Variants in GMFB observed in about 807,000 individuals in gnomAD.
GMFB encodes the protein GMF-beta.
A neutral mutation model predicts 25.6 loss-of-function variants in GMFB; 13 were observed. The observed-to-expected ratio is 0.51, with a 90% CI of 0.33 to 0.81. The LOEUF (loss-of-function observed/expected upper bound fraction) is 0.81, where lower values mean the gene tolerates loss of function less well. Among genes scored for constraint, GMFB ranks in the 30% least tolerant of loss-of-function variants. GMFB has a pLI of 0.02. For missense variants in GMFB, 146 were observed against 175.4 expected, an observed-to-expected ratio of 0.83 and a Z score of 0.95; for synonymous variants, 57 against 56.9, an observed-to-expected ratio of 1.00 and a Z score of 0.00.
intron 1 of GMFB, among the ~76,000 whole-genome samples, chr14:54,486,686 A>G (rs892646723): frequency 9.9e-5 from 15 of 152,224 alleles, no homozygotes; most frequent in African/African-American, 2.7e-4. Flanking sequence ...TATATCCTTT[A>G]CATAGATTTC....
Position 54,488,873 on chromosome 14 carries a change from G to T in GMFB, c.3+52C>A, listed in dbSNP as rs894649419. ...CGGCTCCGGAAACCGGGAAAACCCGGCTGGCCGGCTCGCCCAGCCCTCCGG... is the reference window on the plus strand; with the variant it reads ...CGGCTCCGGAAACCGGGAAAACCCGTCTGGCCGGCTCGCCCAGCCCTCCGG... On this transcript the variant is annotated intron_variant, in intron 1 of 6. Transcript: ENST00000358056. 8 of 1,516,640 alleles carry T rather than the reference G, an allele frequency of 5.3e-6. No individual in the cohort carries two copies. In the Admixed American group the frequency reaches 7.9e-5, roughly 15 times the overall value. The allele number at this position is 1,516,640 out of a possible 1,614,324, so 93.9% of individuals were successfully genotyped here.
At chr14:54,486,195 A>C (rs1415482111) in intron 1 of GMFB, among the ~76,000 whole-genome samples, 1 of 152,208 alleles carries the variant, frequency 6.6e-6, no homozygotes. Context: ...GGTTGCAGTG[A>C]GCCGAGATTG....
At position 54,475,345 on chromosome 14, in the gene GMFB, A is replaced by G. The variant is rs1381579719; in HGVS notation, c.*2743T>C. The stretch of plus-strand genomic sequence containing the variant: ...TTTATGGCTACATTTGACTCCTGAA[A>G]ATAGGAGATAAAAAAGGAGGGAAAA... On this transcript the variant is annotated 3_prime_UTR_variant, in exon 7 of 7. Coordinates refer to ENST00000358056, the MANE Select transcript of GMFB (RefSeq NM_004124.3). 1 of 152,538 alleles carries G rather than the reference A, an allele frequency of 6.6e-6. No individual in the cohort carries two copies. The highest frequency in any genetic ancestry group is 1.9e-4 in the East Asian group (1 of 5,186). 9.4% of individuals were successfully genotyped at this position (152,538 alleles called of 1,614,324 possible).
Position 54,483,919 on chromosome 14 carries a change from T to C in GMFB, c.4-152A>G, listed in dbSNP as rs1266504665. The C allele has an allele frequency of 4.3e-6, 3 of 699,854 alleles. No homozygotes were observed. The African/African-American group carries it at 5.3e-5, about 12-fold the overall frequency. 43.4% of individuals were successfully genotyped at this position (699,854 alleles called of 1,614,324 possible). A position where few individuals can be genotyped will look rare whatever the true frequency, so the allele number is the denominator to read the frequency against. On this transcript the variant is annotated intron_variant, in intron 1 of 6. Transcript: ENST00000358056. Reference sequence around the variant, plus strand: ...AATACATGAACACTTAAAAGAACTTTAAAATCAACCAACCTTTGGATCTAC... The same window carrying C: ...AATACATGAACACTTAAAAGAACTTCAAAATCAACCAACCTTTGGATCTAC...
rs2031622302 is a variant in GMFB, at chr14:54,475,253, AAATT to A, written c.*2831_*2834del. On this transcript the variant is annotated 3_prime_UTR_variant, in exon 7 of 7. Transcript: ENST00000358056. ...TCTATATGGGTTGGGGGGAACAGCC[AAATT>A]TAATTTGGCAATAAACTCCCCTAAC... 6.6e-6 allele frequency: 1 copy of A among 152,590 alleles called. No individual in the cohort carries two copies. Among genetic ancestry groups the A allele is most frequent in the African/African-American group, 2.4e-5 (1 of 41,468 alleles). 9.5% of individuals were successfully genotyped at this position (152,590 alleles called of 1,614,324 possible).
At chr14:54,488,760 A>T in intron 1 of GMFB, 165 bp downstream of exon 1, 1 of 543,852 alleles carries the variant, frequency 1.8e-6, no homozygotes, top group Non-Finnish European at 3.1e-6. Flanking sequence ...TGGCGGCGGC[A>T]GAGGCCAAGT....
intron 6 of GMFB, chr14:54,479,529 A>G: frequency 2.6e-6 from 1 of 382,472 alleles, no homozygotes; most frequent in African/African-American, 2.1e-5. Context: ...AATAGATTTA[A>G]TAGTTACAGT....
At chr14:54,488,072 G>A (rs1164903191) in intron 1 of GMFB, among the ~76,000 whole-genome samples, 2 of 152,190 alleles carry the variant, frequency 1.3e-5, no homozygotes, top group Admixed American at 6.5e-5. Flanking sequence ...GAATCCATTC[G>A]ATTCAGTGAC....
At chr14:54,485,222 A>C (rs1005276979) in intron 1 of GMFB, among the ~76,000 whole-genome samples, 3 of 152,156 alleles carry the variant, frequency 2.0e-5, no homozygotes, top group African/African-American at 7.2e-5. Context: ...GTTAGAAAAA[A>C]AGAAGTCAAA....
chr14:54,479,148 A>G (rs1002576775), intron 6 of GMFB: 16 of 152,254 alleles, frequency 1.1e-4, no homozygotes, highest in African/African-American at 3.8e-4. Flanking sequence ...GAAAGGAAAT[A>G]CTGTCTAACA....
chr14:54,479,690 C>G, intron 6 of GMFB, 96 bp downstream of exon 6: 1 of 693,556 alleles, frequency 1.4e-6, no homozygotes, highest in Non-Finnish European at 2.6e-6. Flanking sequence ...ATAACCTTCA[C>G]CTGCATAAAA....
rs888033804 is a variant in GMFB at position 54,477,040 on chromosome 14, A to C, written c.*1048T>G. On this transcript the variant is annotated 3_prime_UTR_variant, in exon 7 of 7. Coordinates refer to ENST00000358056, the MANE Select transcript of GMFB (RefSeq NM_004124.3). ...TGTTATTAACTATGGCCAAAGTTTT[A>C]AGATAATTTTTTCCTATGGCACAAA... is the stretch of plus-strand genomic sequence containing the variant. The C allele has an allele frequency of 1.3e-5, 2 of 152,048 alleles. No homozygotes were observed. Among genetic ancestry groups the C allele is most frequent in the Non-Finnish European group, 2.9e-5 (2 of 67,878 alleles). 9.4% of individuals were successfully genotyped at this position (152,048 alleles called of 1,614,324 possible).
intron 1 of GMFB, chr14:54,488,477 C>T (rs1203981770): frequency 6.0e-6 from 1 of 167,174 alleles, no homozygotes; most frequent in African/African-American, 2.4e-5. Flanking sequence ...TTCGAGTCCT[C>T]CCCCAAAACG....
intron 1 of GMFB, 66 bp downstream of exon 1, chr14:54,488,859 A>G: frequency 6.9e-7 from 1 of 1,444,854 alleles, no homozygotes; most frequent in African/African-American, 1.5e-5. Flanking sequence ...GGCTCCGGAA[A>G]CCGGGAAAAC....
Position 54,480,924 on chromosome 14 carries a change from T to C in GMFB, c.233A>G (p.Asp78Gly). The C allele has an allele frequency of 2.6e-6, 4 of 1,536,500 alleles. No individual in the cohort carries two copies. Among genetic ancestry groups the C allele is most frequent in the Non-Finnish European group, 3.6e-6 (4 of 1,117,476 alleles). ...FIVYSYKYQH[D>G]DGRVSYPLCF... is the part of the protein sequence containing the mutation. ...CAGAGGATATGAAACTCTTCCATCA[T>C]CATGTTGATATTTATAACTATACAC... The change falls in exon 5 of 7, where the codon GAT becomes GGT. Residue 78 changes from aspartate (D) to glycine (G), a missense_variant. Asp to Gly is a moderately conservative substitution (Grantham distance 94). Transcript: ENST00000358056.
chr14:54,479,803 T>C lies in GMFB; in HGVS notation c.340A>G (p.Thr114Ala). ...AATACCACCTTGGTTAGTTCAGCTG[T>C]CTGGACTAGCTTATTCTTACTTCCA... is the stretch of plus-strand genomic sequence containing the variant. ...YAGSKNKLVQ[T>A]AELTKVFEIR... Residue 114 changes from threonine (T) to alanine (A), a missense_variant, in exon 6 of 7, where the codon ACA (threonine) becomes GCA (alanine). Coordinates refer to ENST00000358056, the MANE Select transcript of GMFB (RefSeq NM_004124.3). 1 of 1,597,140 alleles carries C rather than the reference T, an allele frequency of 6.3e-7. No individual in the cohort carries two copies. Among genetic ancestry groups the C allele is most frequent in the Non-Finnish European group, 8.6e-7 (1 of 1,164,846 alleles).
chr14:54,486,605 C>T (rs190256085), intron 1 of GMFB, among the ~76,000 whole-genome samples: 2 of 152,292 alleles, frequency 1.3e-5, no homozygotes, highest in African/African-American at 4.8e-5. Flanking sequence ...TCAAACAACT[C>T]AATAGCAAAA....
rs775197825 is a variant in GMFB, at chr14:54,481,449, G to A, written c.160C>T (p.Pro54Ser). Residue 54 changes from proline (P) to serine (S), a missense_variant, in exon 4 of 7, where the codon CCA (proline) becomes TCA (serine). By Grantham distance (74) the Pro-to-Ser change is moderately conservative. Coordinates refer to ENST00000358056, the MANE Select transcript of GMFB (RefSeq NM_004124.3). The stretch of plus-strand genomic sequence containing the variant: ...GGTAGTTCATCTTTAAGTTCATCTG[G>A]TGAAATGCCCTGGCACCACAGAGAA... The part of the protein sequence containing the change: ...VLDEELEGIS[P>S]DELKDELPER... 2 of 1,608,054 alleles carry A rather than the reference G, an allele frequency of 1.2e-6. No individual in the cohort carries two copies. The highest frequency in any genetic ancestry group is 3.3e-5 in the Admixed American group (2 of 59,952).
intron 1 of GMFB, among the ~76,000 whole-genome samples, chr14:54,487,656 T>C (rs2031805943): frequency 6.6e-6 from 1 of 152,226 alleles, no homozygotes; most frequent in Admixed American, 6.5e-5. Context: ...GAGGTTGCAA[T>C]GGGCCGAGAT....
Sources: gnomAD v4.1 joint callset for allele counts (sites outside exome capture counted in the v4.1 genomes callset) on GRCh38, gnomAD v4.1.1 for gene constraint, MANE v1.5 for transcripts, NCBI Gene and HGNC (gene_info 2026-07-23, HGNC 2026-07-21) for gene names.